Variants in ZNF148 observed in about 807,000 individuals in gnomAD.
The protein encoded by ZNF148 is zinc finger protein 148, also known as Beta-Enolase Repressor Factor-1.
Under a neutral mutation model 67.7 loss-of-function variants are expected in ZNF148, and 7 were observed. The observed-to-expected ratio is 0.10, with a 90% CI of 0.06 to 0.19. The LOEUF (loss-of-function observed/expected upper bound fraction) is 0.19, where lower values mean the gene tolerates loss of function less well. Among genes scored for constraint, ZNF148 ranks in the 10% least tolerant of loss-of-function variants. The pLI is 1.00. For synonymous variants in ZNF148, 333 were observed against 330.7 expected (o/e 1.01, Z -0.08); for missense variants, 583 against 947.1 (o/e 0.62, Z 5.05).
chr3:125,234,414 G>T, intron 7 of ZNF148, 85 bp from the exon 8 acceptor site: 4 of 990,786 alleles, frequency 4.0e-6, no homozygotes, highest in South Asian at 3.4e-5. Context: ...TAAAATAAAT[G>T]GCTTTTGAAA....
intron 7 of ZNF148, among the ~76,000 whole-genome samples, chr3:125,247,929 T>C (rs1465205905): frequency 6.6e-6 from 1 of 152,110 alleles, no homozygotes; most frequent in African/African-American, 2.4e-5. Context: ...AAAAAAACCA[T>C]TGTCCTAATT....
chr3:125,329,543 A>T (rs938612039), intron 2 of ZNF148, among the ~76,000 whole-genome samples: 1 of 151,608 alleles, frequency 6.6e-6, no homozygotes, highest in Non-Finnish European at 1.5e-5. Context: ...TTTTTAGTAT[A>T]GCTGGGGTTT....
intron 1 of ZNF148, among the ~76,000 whole-genome samples, chr3:125,351,901 A>G (rs4508729): frequency 0.76 from 116,280 of 152,092 alleles, 45,085 homozygotes; most frequent in African/African-American, 0.87. Flanking sequence ...AAGTGTTATC[A>G]AGGATATGGA....
rs372263559 is a variant in ZNF148 at position 125,346,091 on chromosome 3, A to G, written c.-233-14853T>C. 2.2e-4 allele frequency among the ~76,000 whole-genome samples: 34 copies of G among 152,360 alleles called. 1 individual carries two copies. Among genetic ancestry groups the G allele is most frequent in the African/African-American group, 7.9e-4 (33 of 41,592 alleles). The stretch of plus-strand genomic sequence containing the variant: ...CTGCAAAAATCCTCAACAAAATACT[A>G]ACCAAATCTACCAACACATAGAAAG... On this transcript the variant is annotated intron_variant, in intron 1 of 8. Transcript: ENST00000360647.
At chr3:125,279,976 G>A (rs1938289612) in intron 5 of ZNF148, among the ~76,000 whole-genome samples, 1 of 151,648 alleles carries the variant, frequency 6.6e-6, no homozygotes, top group South Asian at 2.1e-4. Flanking sequence ...TTTGAACCAT[G>A]TAAGTGGTTA....
At chr3:125,364,983 A>G (rs1942658303) in intron 1 of ZNF148, among the ~76,000 whole-genome samples, 1 of 152,172 alleles carries the variant, frequency 6.6e-6, no homozygotes, top group South Asian at 2.1e-4. Flanking sequence ...TTCTTCTAGG[A>G]AAGCCAACCC....
chr3:125,357,793 A>G (rs942100645), intron 1 of ZNF148: 1 of 152,270 alleles, frequency 6.6e-6, no homozygotes, highest in Non-Finnish European at 1.5e-5. Flanking sequence ...TATCAATAGT[A>G]TCCAACAAAA....
intron 1 of ZNF148, among the ~76,000 whole-genome samples, chr3:125,369,286 AGCCATAGAAGCCTAGAAAG>A (rs1942799247): frequency 7.3e-6 from 1 of 136,926 alleles, no homozygotes; most frequent in African/African-American, 2.7e-5. Flanking sequence ...AAAAAAAAAA[AGCCATAGAAGCCTAGAAAG>A]AACATTCTAG....
At chr3:125,280,519 T>G (rs776337764) in intron 5 of ZNF148, among the ~76,000 whole-genome samples, 4 of 151,310 alleles carry the variant, frequency 2.6e-5, no homozygotes, top group Non-Finnish European at 5.9e-5. Context: ...CCGTCTCCAC[T>G]AAAATACAAA....
chr3:125,309,846 CAG>C lies in ZNF148; in HGVS notation c.333+3460_333+3461del, dbSNP rs1432639176. 2.0e-5 allele frequency among the ~76,000 whole-genome samples: 3 copies of C among 152,284 alleles called. No homozygotes were observed. The East Asian group carries it at 5.8e-4, about 29-fold the overall frequency. The stretch of plus-strand genomic sequence containing the variant: ...TATAGACTACCTCATCCAACAAAAA[CAG>C]AATGCACATTCTTTTCAAGCTCGCA... On this transcript the variant is annotated intron_variant, in intron 4 of 8. Transcript: ENST00000360647.
At chr3:125,338,031 G>A (rs575736714) in intron 1 of ZNF148, among the ~76,000 whole-genome samples, 1 of 152,100 alleles carries the variant, frequency 6.6e-6, no homozygotes, top group South Asian at 2.1e-4. Context: ...TTGAGCCAAG[G>A]AGTTTGAGGC....
At chr3:125,250,907 T>C (rs187196505) in intron 7 of ZNF148, among the ~76,000 whole-genome samples, 20 of 152,280 alleles carry the variant, frequency 1.3e-4, no homozygotes, top group Admixed American at 1.2e-3. Flanking sequence ...TTAATTATCA[T>C]TATGGATCTT....
intron 1 of ZNF148, among the ~76,000 whole-genome samples, chr3:125,354,716 T>C (rs1942279397): frequency 1.3e-5 from 2 of 152,230 alleles, no homozygotes; most frequent in South Asian, 4.1e-4. Context: ...TTGCCTAAGC[T>C]ATCATAACTA....
At chr3:125,356,779 G>A (rs1942356390) in intron 1 of ZNF148, among the ~76,000 whole-genome samples, 2 of 152,330 alleles carry the variant, frequency 1.3e-5, no homozygotes, top group Non-Finnish European at 2.9e-5. Flanking sequence ...TGCACAAGTA[G>A]TTCTTTCCTG....
At chr3:125,312,578 G>A (rs1293162578) in intron 4 of ZNF148, among the ~76,000 whole-genome samples, 1 of 152,130 alleles carries the variant, frequency 6.6e-6, no homozygotes, top group Admixed American at 6.5e-5. Context: ...ACTATCTAGA[G>A]GTTATAAAAC....
intron 7 of ZNF148, among the ~76,000 whole-genome samples, chr3:125,271,770 T>A (rs1326853510): frequency 6.6e-6 from 1 of 152,196 alleles, no homozygotes; most frequent in African/African-American, 2.4e-5. Context: ...ATGATAATCA[T>A]GAATTCTTAG....
chr3:125,369,469 A>G (rs1370600525), intron 1 of ZNF148, among the ~76,000 whole-genome samples: 1 of 148,030 alleles, frequency 6.8e-6, no homozygotes, highest in Non-Finnish European at 1.5e-5. Flanking sequence ...GCTCACCTTT[A>G]TAGACCCCTT....
At position 125,239,340 on chromosome 3, in the gene ZNF148, CA is replaced by C. The variant is rs577217746; in HGVS notation, c.668-5012del. ...CTCTTACAACTCAATGGGAAACACA[CA>C]ACTAATTTAAAAATAGGCAATGGAT... is the stretch of plus-strand genomic sequence containing the variant. On this transcript the variant is annotated intron_variant, in intron 7 of 8. Coordinates refer to ENST00000360647, the MANE Select transcript of ZNF148 (RefSeq NM_021964.3). Among the ~76,000 whole-genome samples the C allele has an allele frequency of 1.4e-3, 208 of 152,224 alleles. 3 individuals carry two copies. In the South Asian group the frequency reaches 0.016, roughly 12 times the overall value.
chr3:125,331,225 T>G lies in ZNF148; in HGVS notation c.-220A>C. The G allele has an allele frequency of 2.5e-6, 1 of 398,532 alleles. No individual in the cohort carries two copies. The highest frequency in any genetic ancestry group is 4.4e-6 in the Non-Finnish European group (1 of 226,030). 24.7% of individuals were successfully genotyped at this position (398,532 alleles called of 1,614,324 possible). A position where few individuals can be genotyped will look rare whatever the true frequency, so the allele number is the denominator to read the frequency against. On this transcript the variant is annotated 5_prime_UTR_variant, in exon 2 of 9. Transcript: ENST00000360647. ...CGTGCTTGAATTTCCAAGCTGCTGATTCCTCCCTCTATCCTACAAAAGTAC... is the reference window on the plus strand; with the variant it reads ...CGTGCTTGAATTTCCAAGCTGCTGAGTCCTCCCTCTATCCTACAAAAGTAC...
Sources: allele counts gnomAD v4.1 joint callset (sites outside exome capture counted in the v4.1 genomes callset), GRCh38; gene constraint gnomAD v4.1.1; transcripts MANE v1.5; gene names NCBI Gene and HGNC (gene_info 2026-07-23, HGNC 2026-07-21).